Variants in LRRTM4 observed in about 807,000 individuals in gnomAD.
The protein encoded by LRRTM4 is leucine-rich repeat transmembrane neuronal protein 4.
A neutral mutation model predicts 47.6 loss-of-function variants in LRRTM4; 25 were observed. That is an observed-to-expected ratio of 0.53 (90% CI 0.38 to 0.73). The LOEUF (loss-of-function observed/expected upper bound fraction) is 0.73. Among genes scored for constraint, LRRTM4 ranks in the 30% least tolerant of loss-of-function variants. LRRTM4 has a pLI of 0.00. For missense variants in LRRTM4, 638 were observed against 713.4 expected, an observed-to-expected ratio of 0.89 and a Z score of 1.20; for synonymous variants, 311 against 269.5, an observed-to-expected ratio of 1.15 and a Z score of -1.51.
intron 3 of LRRTM4, among the ~76,000 whole-genome samples, chr2:77,479,337 A>G (rs563630494): frequency 1.3e-5 from 2 of 152,358 alleles, no homozygotes; most frequent in African/African-American, 2.4e-5. Context: ...TGTAACAGCC[A>G]TTATAAAACT....
intron 3 of LRRTM4, among the ~76,000 whole-genome samples, chr2:77,243,259 A>T (rs1675321364): frequency 6.6e-6 from 1 of 151,852 alleles, no homozygotes; most frequent in Non-Finnish European, 1.5e-5. Context: ...AAAAATACAA[A>T]ATTAGCCGGG....
intron 3 of LRRTM4, among the ~76,000 whole-genome samples, chr2:76,838,939 A>G (rs1163424456): frequency 6.6e-6 from 1 of 152,124 alleles, no homozygotes; most frequent in African/African-American, 2.4e-5. Context: ...TTCAGTTTAC[A>G]TAATAATTTT....
chr2:76,798,778 G>A (rs910571049), intron 3 of LRRTM4, among the ~76,000 whole-genome samples: 71 of 150,938 alleles, frequency 4.7e-4, no homozygotes, highest in South Asian at 2.5e-3. Context: ...TATCACCACC[G>A]ATCCCACAGA....
intron 3 of LRRTM4, among the ~76,000 whole-genome samples, chr2:77,131,862 A>T (rs1358048215): frequency 1.3e-5 from 2 of 152,182 alleles, no homozygotes; most frequent in African/African-American, 4.8e-5. Flanking sequence ...GGAATTTTTT[A>T]AATTTATTTT....
At chr2:76,854,668 G>T (rs1334511648) in intron 3 of LRRTM4, among the ~76,000 whole-genome samples, 1 of 152,106 alleles carries the variant, frequency 6.6e-6, no homozygotes, top group Non-Finnish European at 1.5e-5. Context: ...ACATAAATGA[G>T]CTACTGGGCT....
chr2:77,010,701 C>T (rs1422076980), intron 3 of LRRTM4, among the ~76,000 whole-genome samples: 2 of 152,098 alleles, frequency 1.3e-5, no homozygotes, highest in African/African-American at 2.4e-5. Context: ...AAAACTGTAT[C>T]TGCCTTCTTT....
intron 3 of LRRTM4, among the ~76,000 whole-genome samples, chr2:76,961,972 T>G (rs1675875608): frequency 6.6e-6 from 1 of 151,246 alleles, no homozygotes; most frequent in African/African-American, 2.4e-5. Context: ...GAATATAGTA[T>G]TTCTGGTTTT....
At chr2:77,275,206 A>G (rs979551572) in intron 3 of LRRTM4, among the ~76,000 whole-genome samples, 1 of 152,142 alleles carries the variant, frequency 6.6e-6, no homozygotes, top group African/African-American at 2.4e-5. Context: ...CCACACTTTT[A>G]GTACCCACCT....
Position 77,256,482 on chromosome 2 carries a change from C to A in LRRTM4, c.1551+261836G>T, listed in dbSNP as rs899701912. On this transcript the variant is annotated intron_variant, in intron 3 of 3. Transcript: ENST00000409884. The stretch of plus-strand genomic sequence containing the variant: ...AATTCCCACATGTTGTGGGAGGGAC[C>A]CAGTGGGAGGTAATTGAATCATGGG... Among the ~76,000 whole-genome samples the A allele has an allele frequency of 7.2e-5, 11 of 152,042 alleles. 1 individual carries two copies. In the East Asian group the frequency reaches 2.1e-3, roughly 30 times the overall value.
At chr2:77,373,117 A>G (rs1672713726) in intron 3 of LRRTM4, among the ~76,000 whole-genome samples, 1 of 147,696 alleles carries the variant, frequency 6.8e-6, no homozygotes, top group Non-Finnish European at 1.5e-5. Flanking sequence ...ATACGCACAC[A>G]CATATATATA....
intron 3 of LRRTM4, among the ~76,000 whole-genome samples, chr2:76,875,540 A>G (rs1328170886): frequency 6.6e-6 from 1 of 152,174 alleles, no homozygotes; most frequent in Non-Finnish European, 1.5e-5. Flanking sequence ...TAAGTAATTA[A>G]GATGCATGTC....
intron 3 of LRRTM4, among the ~76,000 whole-genome samples, chr2:77,045,304 A>G (rs1426811847): frequency 1.3e-5 from 2 of 151,918 alleles, no homozygotes; most frequent in Admixed American, 6.6e-5. Flanking sequence ...CAGTTTCAAC[A>G]GTTGTCTTTT....
chr2:77,516,879 C>T, intron 3 of LRRTM4: 1 of 984,912 alleles, frequency 1.0e-6, no homozygotes, highest in South Asian at 4.7e-5. Context: ...TTTTCATTAG[C>T]ATTTGTAGTT....
chr2:76,978,628 A>G (rs1676496783), intron 3 of LRRTM4, among the ~76,000 whole-genome samples: 1 of 152,034 alleles, frequency 6.6e-6, no homozygotes, highest in Middle Eastern at 3.2e-3. Context: ...CAATCAACAC[A>G]TATTTACAGA....
intron 3 of LRRTM4, 187 bp downstream of exon 3, chr2:77,518,131 A>T (rs1006372922): frequency 6.7e-3 from 2,790 of 414,042 alleles, no homozygotes; most frequent in Middle Eastern, 0.02. Flanking sequence ...CAACCATTTA[A>T]AAAAAAAAAA....
intron 3 of LRRTM4, among the ~76,000 whole-genome samples, chr2:76,811,576 G>A (rs1024617807): frequency 6.6e-6 from 1 of 152,124 alleles, no homozygotes; most frequent in Non-Finnish European, 1.5e-5. Context: ...TCAGTCAGGA[G>A]GTCTACCTTG....
At chr2:77,252,569 T>G (rs914199142) in intron 3 of LRRTM4, among the ~76,000 whole-genome samples, 1 of 152,146 alleles carries the variant, frequency 6.6e-6, no homozygotes, top group African/African-American at 2.4e-5. Flanking sequence ...CTTTTTTGTT[T>G]CCTACCTCAT....
chr2:77,206,789 CTT>C (rs1454673977), intron 3 of LRRTM4, among the ~76,000 whole-genome samples: 1 of 152,044 alleles, frequency 6.6e-6, no homozygotes, highest in Non-Finnish European at 1.5e-5. Context: ...CAGCACAAAA[CTT>C]ATAAATTTTA....
intron 3 of LRRTM4, among the ~76,000 whole-genome samples, chr2:77,311,152 T>G (rs1677445186): frequency 1.3e-5 from 2 of 152,120 alleles, no homozygotes; most frequent in African/African-American, 2.4e-5. Flanking sequence ...AATTCATGTG[T>G]TTTTAATTTC....
Sources: allele counts gnomAD v4.1 joint callset (sites outside exome capture counted in the v4.1 genomes callset), GRCh38; gene constraint gnomAD v4.1.1; transcripts MANE v1.5; gene names NCBI Gene and HGNC (gene_info 2026-07-23, HGNC 2026-07-21).